The following NHSL1 variants were observed in gnomAD, a reference collection of about 807,000 sequenced individuals.
NHSL1 encodes the protein NHS like 1, also known as NHS-like protein 1.
A neutral mutation model predicts 95.0 loss-of-function variants in NHSL1; 48 were observed. The observed-to-expected ratio is 0.51, with a 90% CI of 0.40 to 0.64. The LOEUF is 0.64. Among genes scored for constraint, NHSL1 ranks in the 30% least tolerant of loss-of-function variants. The probability of loss-of-function intolerance (pLI) is 0.00; values close to 1 mark genes in which losing one functional copy is unlikely to be tolerated. For missense variants in NHSL1, 1,971 were observed against 2,077.7 expected (o/e 0.95, Z 1.00); for synonymous variants, 783 against 833.9 (o/e 0.94, Z 1.05).
At chr6:138,648,364 A>C (rs930295969) in intron 1 of NHSL1, among the ~76,000 whole-genome samples, 4 of 150,954 alleles carry the variant, frequency 2.6e-5, no homozygotes, top group Non-Finnish European at 4.4e-5. Flanking sequence ...AAAAAAAAAA[A>C]AAACAATGGA....
rs1232302055 is a variant in NHSL1, at chr6:138,431,373, G to A, written c.2972C>T (p.Ser991Phe). 4 of 1,547,590 alleles carry A rather than the reference G, an allele frequency of 2.6e-6. No homozygotes were observed. Among genetic ancestry groups the A allele is most frequent in the African/African-American group, 2.7e-5 (2 of 72,946 alleles). ...GGGGCTCAGTGCAGGGCGGGGAGGA[G>A]AAAGGCACCAATCAGGTGGGGAGCA... ...PFCSPPDWCL[S>F]PPRPALSPIL... The change falls in exon 6 of 8, where the codon TCT becomes TTT. Residue 991 changes from serine to phenylalanine, a missense_variant. Transcript: ENST00000343505. This position sits in a 1 kb window ranked among gnomAD's most constrained non-coding sequence, Gnocchi z 4.0.
intron 1 of NHSL1, among the ~76,000 whole-genome samples, chr6:138,630,332 G>A (rs181113080): frequency 6.6e-6 from 1 of 152,012 alleles, no homozygotes; most frequent in Non-Finnish European, 1.5e-5. Flanking sequence ...TCTAAATGTG[G>A]TTTTTTTCAA....
At chr6:138,462,013 G>A (rs1016362428) in intron 3 of NHSL1, among the ~76,000 whole-genome samples, 3 of 152,164 alleles carry the variant, frequency 2.0e-5, no homozygotes, top group South Asian at 2.1e-4. Flanking sequence ...TTACAATGGC[G>A]GGAAAGGGTG....
intron 2 of NHSL1, among the ~76,000 whole-genome samples, chr6:138,492,691 TC>T (rs1375085800): frequency 3.3e-5 from 5 of 152,206 alleles, no homozygotes; most frequent in African/African-American, 1.2e-4. Flanking sequence ...CTGTGTCGTT[TC>T]CCTTCACACT....
intron 1 of NHSL1, among the ~76,000 whole-genome samples, chr6:138,619,440 CTAAT>C (rs1476222501): frequency 6.6e-6 from 1 of 152,178 alleles, no homozygotes; most frequent in African/African-American, 2.4e-5. Context: ...AAGATTAAAG[CTAAT>C]TAATTTAGAA....
chr6:138,439,459 C>T lies in NHSL1; in HGVS notation c.664+2524G>A, dbSNP rs146828182. ...TACTACCTTGGTAGTTTAAGACTTCCAAACCAGAGTCCTTATAAGTGTAAA... is the reference window on the plus strand; with the variant it reads ...TACTACCTTGGTAGTTTAAGACTTCTAAACCAGAGTCCTTATAAGTGTAAA... On this transcript the variant is annotated intron_variant, in intron 5 of 7. Transcript: ENST00000343505. Among the ~76,000 whole-genome samples the T allele has an allele frequency of 1.9e-3, 285 of 152,248 alleles. 1 individual carries two copies. The highest frequency in any genetic ancestry group is 6.7e-3 in the African/African-American group (278 of 41,558).
intron 1 of NHSL1, chr6:138,691,941 A>G: frequency 2.2e-6 from 1 of 456,772 alleles, no homozygotes; most frequent in Non-Finnish European, 4.4e-6. Flanking sequence ...TAAAGTCTGC[A>G]TAGTTTTGCT....
At chr6:138,488,631 TGAG>T (rs1055352903) in intron 2 of NHSL1, among the ~76,000 whole-genome samples, 1 of 152,142 alleles carries the variant, frequency 6.6e-6, no homozygotes, top group African/African-American at 2.4e-5. Context: ...CAGGGGTGAG[TGAG>T]GAGACTTCAG....
intron 1 of NHSL1, among the ~76,000 whole-genome samples, chr6:138,611,654 G>A (rs1784513550): frequency 6.6e-6 from 1 of 152,160 alleles, no homozygotes; most frequent in African/African-American, 2.4e-5. Context: ...GCTGAGGCAG[G>A]AGAATGGCGT....
At chr6:138,524,624 A>G (rs1356464030) in intron 1 of NHSL1, among the ~76,000 whole-genome samples, 3 of 152,152 alleles carry the variant, frequency 2.0e-5, no homozygotes, top group African/African-American at 7.2e-5. Flanking sequence ...TGGGGCTTTT[A>G]GGAATAGTGC....
At chr6:138,655,567 C>G (rs1057089736) in intron 1 of NHSL1, among the ~76,000 whole-genome samples, 3 of 152,090 alleles carry the variant, frequency 2.0e-5, no homozygotes, top group Admixed American at 6.6e-5. Context: ...GTTTACAACA[C>G]TAAGATGAGT....
chr6:138,661,062 C>T (rs893572606), intron 1 of NHSL1, among the ~76,000 whole-genome samples: 1 of 152,188 alleles, frequency 6.6e-6, no homozygotes, highest in African/African-American at 2.4e-5. Flanking sequence ...GATATACATT[C>T]TGAGAAGATT....
At position 138,439,254 on chromosome 6, in the gene NHSL1, G is replaced by T. The variant is rs192919939; in HGVS notation, c.664+2729C>A. Among the ~76,000 whole-genome samples, 4 of 152,218 alleles carry T rather than the reference G, an allele frequency of 2.6e-5. No homozygotes were observed. The East Asian group carries it at 7.7e-4, about 29-fold the overall frequency. ...ACTTGGGCAACATCTTTTGGACAGG[G>T]TGCATCTTTCCCAGTGAATGCCTTT... On this transcript the variant is annotated intron_variant, in intron 5 of 7. Coordinates refer to ENST00000343505, the MANE Select transcript of NHSL1 (RefSeq NM_001144060.2).
chr6:138,678,687 G>A (rs1255730687), intron 1 of NHSL1, among the ~76,000 whole-genome samples: 1 of 152,096 alleles, frequency 6.6e-6, no homozygotes, highest in Non-Finnish European at 1.5e-5. Flanking sequence ...GTGACCTGAG[G>A]CAAATTACTT....
At chr6:138,563,690 G>A (rs1347724906) in intron 1 of NHSL1, among the ~76,000 whole-genome samples, 1 of 152,206 alleles carries the variant, frequency 6.6e-6, no homozygotes, top group Non-Finnish European at 1.5e-5. Context: ...CCATTTTACA[G>A]TGTGGAGGAG....
intron 1 of NHSL1, among the ~76,000 whole-genome samples, chr6:138,562,464 T>C (rs1201539243): frequency 2.6e-5 from 4 of 152,024 alleles, no homozygotes; most frequent in African/African-American, 9.7e-5. Context: ...CTGGCCAACA[T>C]GGTGAAACGC....
At chr6:138,538,808 T>C (rs1486265401) in intron 1 of NHSL1, among the ~76,000 whole-genome samples, 1 of 152,252 alleles carries the variant, frequency 6.6e-6, no homozygotes, top group African/African-American at 2.4e-5. Context: ...ATTCTGTGTA[T>C]ATATAAATTC....
At chr6:138,523,564 G>A (rs9495107) in intron 1 of NHSL1, among the ~76,000 whole-genome samples, 16,396 of 140,738 alleles carry the variant, frequency 0.12, 1,752 homozygotes, top group African/African-American at 0.3. Flanking sequence ...CCGCTTTGGC[G>A]TCCCAAAGTG....
intron 4 of NHSL1, among the ~76,000 whole-genome samples, chr6:138,446,239 G>A (rs1039925694): frequency 1.3e-5 from 2 of 151,802 alleles, no homozygotes; most frequent in South Asian, 2.1e-4. Flanking sequence ...GTTTCACCAC[G>A]TTGGCCAGGC....
Sources: allele counts gnomAD v4.1 joint callset (sites outside exome capture counted in the v4.1 genomes callset), GRCh38; gene constraint gnomAD v4.1.1; non-coding constraint Gnocchi (gnomAD v3.1); transcripts MANE v1.5; gene names NCBI Gene and HGNC (gene_info 2026-07-23, HGNC 2026-07-21).